Variants in SNTG1 observed in about 807,000 individuals in gnomAD.
SNTG1 encodes the protein gamma-1-syntrophin.
Under a neutral mutation model 74.7 loss-of-function variants are expected in SNTG1, and 39 were observed. The observed-to-expected ratio is 0.52, with a 90% CI of 0.40 to 0.68. The LOEUF is 0.68. SNTG1 is among the 30% of genes least tolerant of loss of function. SNTG1 has a pLI of 0.00. For synonymous variants in SNTG1, 254 were observed against 217.1 expected (o/e 1.17, Z -1.49); for missense variants, 685 against 609.5 (o/e 1.12, Z -1.30).
intron 1 of SNTG1, among the ~76,000 whole-genome samples, chr8:50,136,206 C>G (rs766406033): frequency 6.6e-6 from 1 of 151,950 alleles, no homozygotes; most frequent in Non-Finnish European, 1.5e-5. Flanking sequence ...AATAGTACTG[C>G]GATGAACTTA....
At chr8:50,735,592 G>T (rs1367322841) in intron 17 of SNTG1, among the ~76,000 whole-genome samples, 1 of 151,856 alleles carries the variant, frequency 6.6e-6, no homozygotes, top group Non-Finnish European at 1.5e-5. Context: ...GAAAAGGAAT[G>T]ATCGAAGCCT....
At chr8:50,741,972 A>G (rs1433384346) in intron 17 of SNTG1, among the ~76,000 whole-genome samples, 1 of 152,058 alleles carries the variant, frequency 6.6e-6, no homozygotes, top group East Asian at 1.9e-4. Context: ...TAAAATCCAT[A>G]GTATTTATAA....
At chr8:50,100,915 T>C (rs1490803553) in intron 1 of SNTG1, among the ~76,000 whole-genome samples, 2 of 152,128 alleles carry the variant, frequency 1.3e-5, no homozygotes, top group African/African-American at 4.8e-5. Flanking sequence ...AGTCAGTTTT[T>C]TCATCCTCAC....
At chr8:50,425,257 G>GT (rs2093147440) in intron 4 of SNTG1, among the ~76,000 whole-genome samples, 1 of 3,778 alleles carries the variant, frequency 2.6e-4, no homozygotes, top group Non-Finnish European at 9.8e-4. Context: ...AGCAGGAGGT[G>GT]ACTGCTGCTG....
chr8:50,452,120 A>G (rs549262705), intron 8 of SNTG1, among the ~76,000 whole-genome samples: 2 of 152,264 alleles, frequency 1.3e-5, no homozygotes, highest in African/African-American at 4.8e-5. Flanking sequence ...GAGACGAAGG[A>G]GGGTTTTTAA....
At chr8:50,362,745 T>C (rs2091995129) in intron 2 of SNTG1, among the ~76,000 whole-genome samples, 2 of 152,192 alleles carry the variant, frequency 1.3e-5, no homozygotes, top group South Asian at 4.1e-4. Flanking sequence ...TGATAATTTA[T>C]ATCAGGTGCT....
Position 50,731,145 on chromosome 8 carries a change from A to G in SNTG1, c.1285-20856A>G, listed in dbSNP as rs529036083. ...TCATCTTTATTTCAGTACACTGCCAACAACAAAATACATGATCATTCCTGG... is the reference window on the plus strand; with the variant it reads ...TCATCTTTATTTCAGTACACTGCCAGCAACAAAATACATGATCATTCCTGG... On this transcript the variant is annotated intron_variant, in intron 17 of 18. Transcript: ENST00000642720. 7.9e-5 allele frequency among the ~76,000 whole-genome samples: 12 copies of G among 152,260 alleles called. No homozygotes were observed. In the South Asian group the frequency reaches 2.5e-3, roughly 32 times the overall value.
At position 50,755,242 on chromosome 8, in the gene SNTG1, T is replaced by C. The variant is rs1040451881; in HGVS notation, c.1395+3131T>C. On this transcript the variant is annotated intron_variant, in intron 18 of 18. Transcript: ENST00000642720. ...GTCGTTTCACTACCCTAAACATCTT[T>C]TGAGCTCTTCCTATTCACCCCTATC... is the stretch of plus-strand genomic sequence containing the variant. Among the ~76,000 whole-genome samples, 5 of 151,838 alleles carry C rather than the reference T, an allele frequency of 3.3e-5. No individual in the cohort carries two copies. In the East Asian group the frequency reaches 9.7e-4, roughly 30 times the overall value.
intron 1 of SNTG1, among the ~76,000 whole-genome samples, chr8:50,093,530 T>C (rs924829429): frequency 2.6e-5 from 4 of 152,032 alleles, no homozygotes; most frequent in African/African-American, 9.7e-5. Context: ...CAACCAAAAT[T>C]CCATGTGGAT....
At chr8:50,774,176 A>G (rs978021077) in intron 18 of SNTG1, among the ~76,000 whole-genome samples, 6 of 151,992 alleles carry the variant, frequency 3.9e-5, no homozygotes, top group African/African-American at 1.4e-4. Context: ...GAATACCAAG[A>G]AAACAAGAAG....
intron 13 of SNTG1, among the ~76,000 whole-genome samples, chr8:50,648,869 A>C (rs2095127075): frequency 1.3e-5 from 2 of 152,066 alleles, no homozygotes; most frequent in African/African-American, 4.8e-5. Flanking sequence ...GTTATCCTGA[A>C]AGGCTTGATA....
At chr8:50,405,339 A>G (rs1235415742) in intron 4 of SNTG1, among the ~76,000 whole-genome samples, 2 of 152,076 alleles carry the variant, frequency 1.3e-5, no homozygotes, top group African/African-American at 4.8e-5. Context: ...GATAATAGCT[A>G]TCCAAATAAG....
At position 50,684,740 on chromosome 8, in the gene SNTG1, C is replaced by G. The variant is rs192886916; in HGVS notation, c.1039-19860C>G. Among the ~76,000 whole-genome samples the G allele has an allele frequency of 4.7e-3, 639 of 135,162 alleles. 2 individuals are homozygous for G. The highest frequency in any genetic ancestry group is 0.017 in the African/African-American group (603 of 36,374). The allele number at this position is 135,162 out of a possible 152,430, so 88.7% of individuals were successfully genotyped here. On this transcript the variant is annotated intron_variant, in intron 15 of 18. Transcript: ENST00000642720. The stretch of plus-strand genomic sequence containing the variant: ...TTGTTTTTGTTTTTGTTTTTTTTTT[C>G]TTTTTTTTTATTATACTTTATCTTT...
intron 15 of SNTG1, among the ~76,000 whole-genome samples, chr8:50,677,078 G>A (rs572108370): frequency 1.4e-4 from 22 of 151,936 alleles, no homozygotes; most frequent in African/African-American, 5.1e-4. Context: ...ATTAAAGTGA[G>A]TCTAAAAGCA....
At chr8:50,224,229 T>A (rs1245261317) in intron 2 of SNTG1, among the ~76,000 whole-genome samples, 1 of 152,154 alleles carries the variant, frequency 6.6e-6, no homozygotes, top group Non-Finnish European at 1.5e-5. Context: ...GCTAAAGATA[T>A]AAATTCTGCT....
intron 1 of SNTG1, among the ~76,000 whole-genome samples, chr8:50,111,727 T>A (rs1302066235): frequency 1.3e-5 from 2 of 152,138 alleles, no homozygotes; most frequent in Non-Finnish European, 2.9e-5. Flanking sequence ...GGAGGGCATA[T>A]ATCTCAGCTC....
intron 2 of SNTG1, among the ~76,000 whole-genome samples, chr8:50,175,185 G>A (rs948388781): frequency 2.0e-5 from 3 of 152,084 alleles, no homozygotes; most frequent in Non-Finnish European, 4.4e-5. Flanking sequence ...GTGTGCATGT[G>A]TCTTTATAGC....
chr8:50,297,723 A>G (rs898530973), intron 2 of SNTG1, among the ~76,000 whole-genome samples: 2 of 152,034 alleles, frequency 1.3e-5, no homozygotes, highest in African/African-American at 4.8e-5. Context: ...AAACCTATTC[A>G]CTGTTATTTC....
intron 2 of SNTG1, among the ~76,000 whole-genome samples, chr8:50,236,509 G>GA (rs1288269399): frequency 1.4e-5 from 2 of 146,250 alleles, no homozygotes; most frequent in Non-Finnish European, 3.0e-5. Flanking sequence ...GGAGTGCAGT[G>GA]GCGCTATCCC....
Sources: gnomAD v4.1 joint callset for allele counts (sites outside exome capture counted in the v4.1 genomes callset) on GRCh38, gnomAD v4.1.1 for gene constraint, MANE v1.5 for transcripts, NCBI Gene and HGNC (gene_info 2026-07-23, HGNC 2026-07-21) for gene names.